MARCHF8: variants seen among roughly 807,000 people sequenced by gnomAD.
The protein encoded by MARCHF8 is E3 ubiquitin-protein ligase MARCHF8.
MARCHF8 carries 40 observed loss-of-function variants against 51.6 expected under a neutral mutation model. The observed-to-expected ratio is 0.77, with a 90% CI of 0.60 to 1.01. The LOEUF is 1.01. Ranked by LOEUF, MARCHF8 falls within the 50% of genes least tolerant of loss-of-function variation. The pLI is 0.00. For missense variants in MARCHF8, 685 were observed against 708.6 expected (o/e 0.97, Z 0.38); for synonymous variants, 263 against 280.3 (o/e 0.94, Z 0.62).
intron 1 of MARCHF8, among the ~76,000 whole-genome samples, chr10:45,552,298 G>A (rs2044204862): frequency 6.8e-6 from 1 of 146,622 alleles, no homozygotes; most frequent in Admixed American, 6.8e-5. Flanking sequence ...TGGCACACAG[G>A]TGGTAGAATT....
exon 1 of MARCHF8, chr10:45,594,443 G>C (rs1250193206): frequency 6.6e-6 from 1 of 152,260 alleles, no homozygotes; most frequent in Non-Finnish European, 1.5e-5. Context: ...TAGAGCCCTG[G>C]GCGCTGACCG....
chr10:45,524,800 T>C (rs969707025), intron 2 of MARCHF8, among the ~76,000 whole-genome samples: 5 of 151,944 alleles, frequency 3.3e-5, no homozygotes, highest in African/African-American at 1.2e-4. Flanking sequence ...CTCAAATCTC[T>C]GGTAGCCCAA....
At chr10:45,538,411 A>G (rs1188047906), upstream of MARCHF8, among the ~76,000 whole-genome samples, 2 of 152,202 alleles carry the variant, frequency 1.3e-5, no homozygotes, top group Admixed American at 1.3e-4. Context: ...ACATCAACTA[A>G]CGTGCAAAAT....
At chr10:45,486,420 T>C (rs888100574) in intron 3 of MARCHF8, among the ~76,000 whole-genome samples, 12 of 152,030 alleles carry the variant, frequency 7.9e-5, no homozygotes, top group African/African-American at 2.4e-4. Context: ...AAAAATTAGC[T>C]GGGCGTGGTG....
intron 1 of MARCHF8, among the ~76,000 whole-genome samples, chr10:45,566,397 AATC>A (rs2044364705): frequency 6.6e-6 from 1 of 152,076 alleles, no homozygotes; most frequent in South Asian, 2.1e-4. Context: ...ACCCATTAAC[AATC>A]CTACTTTCCC....
At chr10:45,588,322 C>A (rs996239426) in intron 1 of MARCHF8, among the ~76,000 whole-genome samples, 1 of 152,168 alleles carries the variant, frequency 6.6e-6, no homozygotes, top group Non-Finnish European at 1.5e-5. Flanking sequence ...TTTTTAACCT[C>A]CTTTCATATA....
intron 3 of MARCHF8, among the ~76,000 whole-genome samples, chr10:45,470,413 C>T (rs901682): frequency 0.061 from 9,322 of 152,202 alleles, 329 homozygotes; most frequent in Non-Finnish European, 0.067. Flanking sequence ...AGCCCACTTG[C>T]GGTATCAATC....
intron 3 of MARCHF8, among the ~76,000 whole-genome samples, chr10:45,477,884 C>A (rs1279275125): frequency 6.6e-6 from 1 of 152,164 alleles, no homozygotes; most frequent in Non-Finnish European, 1.5e-5. Flanking sequence ...CTACATACAT[C>A]TGCACCCTAC....
At position 45,486,359 on chromosome 10, in the gene MARCHF8, T is replaced by C. The variant is rs577973546; in HGVS notation, c.153+3008A>G. Among the ~76,000 whole-genome samples the C allele has an allele frequency of 8.4e-4, 127 of 152,084 alleles. 1 individual carries two copies. Among genetic ancestry groups the C allele is most frequent in the African/African-American group, 2.8e-3 (117 of 41,514 alleles). ...GGCGGGTGGATCAGGAGGTCAGGAGTTTGAGGCCAGCCTGATCAACATAGT... is the reference window on the plus strand; with the variant it reads ...GGCGGGTGGATCAGGAGGTCAGGAGCTTGAGGCCAGCCTGATCAACATAGT... On this transcript the variant is annotated intron_variant, in intron 3 of 7. Coordinates refer to ENST00000453424, the MANE Select transcript of MARCHF8 (RefSeq NM_001282866.2).
At chr10:45,547,424 C>T (rs994728722) in intron 1 of MARCHF8, among the ~76,000 whole-genome samples, 13 of 152,108 alleles carry the variant, frequency 8.5e-5, no homozygotes, top group African/African-American at 2.9e-4. Context: ...CAGCTGCCAG[C>T]ATTTGCTTGA....
intron 1 of MARCHF8, among the ~76,000 whole-genome samples, chr10:45,557,935 T>A (rs1025033345): frequency 6.6e-6 from 1 of 151,990 alleles, no homozygotes; most frequent in Non-Finnish European, 1.5e-5. Flanking sequence ...TATGCAGGCC[T>A]GCAAAAAAAA....
chr10:45,580,938 C>G (rs1462506356), intron 1 of MARCHF8, among the ~76,000 whole-genome samples: 1 of 152,066 alleles, frequency 6.6e-6, no homozygotes, highest in Non-Finnish European at 1.5e-5. Context: ...CCAGCTCTGC[C>G]CTATTCCCCA....
intron 1 of MARCHF8, among the ~76,000 whole-genome samples, chr10:45,551,649 G>C (rs997046451): frequency 2.6e-5 from 4 of 152,206 alleles, no homozygotes; most frequent in African/African-American, 7.2e-5. Flanking sequence ...TAGAAGAAGA[G>C]GGAATTCTGC....
At chr10:45,464,049 G>C (rs1235462933) in intron 4 of MARCHF8, 53 bp from the exon 5 acceptor site, 1 of 1,503,396 alleles carries the variant, frequency 6.7e-7, no homozygotes, top group Non-Finnish European at 8.8e-7. Flanking sequence ...AATTTTAAAA[G>C]AGAATAGACA....
chr10:45,461,199 G>A (rs765547573), intron 6 of MARCHF8, 32 bp downstream of exon 6: 1 of 1,427,912 alleles, frequency 7.0e-7, no homozygotes, highest in Non-Finnish European at 9.3e-7. Context: ...ACTGGTTTCA[G>A]GAAGGGTGAA....
chr10:45,486,472 G>A (rs997955441), intron 3 of MARCHF8, among the ~76,000 whole-genome samples: 1 of 152,114 alleles, frequency 6.6e-6, no homozygotes, highest in Non-Finnish European at 1.5e-5. Context: ...GCTGAGGCAG[G>A]AGAATTGCTT....
At chr10:45,538,703 A>G (rs1683936764), upstream of MARCHF8, among the ~76,000 whole-genome samples, 1 of 152,210 alleles carries the variant, frequency 6.6e-6, no homozygotes, top group South Asian at 2.1e-4. Context: ...ACCAACAAAG[A>G]TCAAAGGAGA....
upstream of MARCHF8, among the ~76,000 whole-genome samples, chr10:45,537,947 G>A (rs1233179437): frequency 6.6e-6 from 1 of 152,140 alleles, no homozygotes; most frequent in Non-Finnish European, 1.5e-5. Context: ...GATAGATAGA[G>A]AAAATTTTAA....
chr10:45,458,464 A>C lies in MARCHF8; in HGVS notation c.1497T>G (p.Val499=). The C allele has an allele frequency of 6.2e-7, 1 of 1,613,734 alleles. No homozygotes were observed. The highest frequency in any genetic ancestry group is 8.5e-7 in the Non-Finnish European group (1 of 1,179,882). The change falls in exon 8 of 8, where the codon GTT becomes GTG. Residue 499 remains valine, a synonymous_variant. Coordinates refer to ENST00000453424, the MANE Select transcript of MARCHF8 (RefSeq NM_001282866.2). ...ACAATTGCACATACACTTTACACTG[A>C]ACATACATAAAAAGAAGTCCTCCGG... ...GFTGGLLFMY[V]QCKVYVQLWK...
Sources: allele counts gnomAD v4.1 joint callset (sites outside exome capture counted in the v4.1 genomes callset), GRCh38; gene constraint gnomAD v4.1.1; transcripts MANE v1.5; gene names NCBI Gene and HGNC (gene_info 2026-07-23, HGNC 2026-07-21).